The following PHF20 variants were observed in gnomAD, a reference collection of about 807,000 sequenced individuals.
PHF20 encodes PHD finger protein 20.
In PHF20, 23 loss-of-function variants were observed where a neutral mutation model predicts 113.5. The observed-to-expected ratio is 0.20, with a 90% CI of 0.15 to 0.29. The LOEUF (loss-of-function observed/expected upper bound fraction) is 0.29, where lower values mean the gene tolerates loss of function less well. Ranked by LOEUF, PHF20 falls within the 10% of genes least tolerant of loss-of-function variation. The pLI, the probability that PHF20 is intolerant of heterozygous loss-of-function variation, is 1.00. For missense variants in PHF20, 943 were observed against 1,219.6 expected, an observed-to-expected ratio of 0.77 and a Z score of 3.38; for synonymous variants, 434 against 457.3, an observed-to-expected ratio of 0.95 and a Z score of 0.65.
At chr20:35,885,678 C>T (rs1426964641) in intron 9 of PHF20, among the ~76,000 whole-genome samples, 3 of 151,798 alleles carry the variant, frequency 2.0e-5, no homozygotes, top group Admixed American at 2.0e-4. Flanking sequence ...TGCATTCTAT[C>T]AGGAAGCACA....
chr20:35,903,080 T>TTTC (rs1555799700), intron 10 of PHF20, among the ~76,000 whole-genome samples: 4 of 142,176 alleles, frequency 2.8e-5, no homozygotes, highest in African/African-American at 1.1e-4. Context: ...ATCCTTTCTT[T>TTTC]TTTTTTTTTT....
chr20:35,935,918 A>G (rs749576883), intron 15 of PHF20, among the ~76,000 whole-genome samples: 2 of 152,130 alleles, frequency 1.3e-5, no homozygotes, highest in Non-Finnish European at 2.9e-5. Context: ...TGACCTGGTG[A>G]ATTTATTTTC....
At chr20:35,773,149 A>G (rs1178719051) in intron 1 of PHF20, among the ~76,000 whole-genome samples, 1 of 152,120 alleles carries the variant, frequency 6.6e-6, no homozygotes, top group Middle Eastern at 3.2e-3. Flanking sequence ...TGCCCCCCAA[A>G]TGTACGAGGT....
intron 10 of PHF20, among the ~76,000 whole-genome samples, chr20:35,903,428 G>A (rs1220342483): frequency 6.6e-6 from 1 of 152,014 alleles, no homozygotes; most frequent in African/African-American, 2.4e-5. Flanking sequence ...TTTAGCAGCA[G>A]AATGTGCCAC....
intron 2 of PHF20, among the ~76,000 whole-genome samples, chr20:35,805,782 T>C (rs1295352161): frequency 6.6e-6 from 1 of 152,114 alleles, no homozygotes; most frequent in Non-Finnish European, 1.5e-5. Flanking sequence ...ACCTGATCTA[T>C]ATAAATTTAA....
At chr20:35,857,172 C>G (rs1317848472) in intron 4 of PHF20, among the ~76,000 whole-genome samples, 3 of 152,138 alleles carry the variant, frequency 2.0e-5, no homozygotes, top group Non-Finnish European at 4.4e-5. Flanking sequence ...TTTACTGAAT[C>G]TTGACAAGAT....
At chr20:35,930,556 C>A (rs1462282905) in intron 14 of PHF20, among the ~76,000 whole-genome samples, 13 of 151,984 alleles carry the variant, frequency 8.6e-5, no homozygotes, top group Non-Finnish European at 1.3e-4. Context: ...ACCTGTAGTC[C>A]CAGATACTCG....
chr20:35,926,147 C>T (rs2055627870), intron 13 of PHF20, among the ~76,000 whole-genome samples: 1 of 149,126 alleles, frequency 6.7e-6, no homozygotes, highest in African/African-American at 2.5e-5. Context: ...AAAAAGTTAC[C>T]ATTTTGAAAC....
intron 1 of PHF20, among the ~76,000 whole-genome samples, chr20:35,778,475 CA>C (rs1471733582): frequency 1.3e-5 from 2 of 152,088 alleles, no homozygotes; most frequent in African/African-American, 4.8e-5. Flanking sequence ...TTGAGACAGG[CA>C]CTGTGGCTCA....
intron 2 of PHF20, among the ~76,000 whole-genome samples, chr20:35,807,482 T>G (rs2041905416): frequency 6.6e-6 from 1 of 151,426 alleles, no homozygotes; most frequent in African/African-American, 2.4e-5. Flanking sequence ...GACTCCCGAG[T>G]AGCTGGGATT....
Position 35,899,447 on chromosome 20 carries a change from T to C in PHF20, c.1360T>C (p.Cys454Arg). Residue 454 changes from cysteine (C) to arginine (R), a missense_variant, in exon 10 of 18, where the codon TGC becomes CGC. Coordinates refer to ENST00000374012, the MANE Select transcript of PHF20 (RefSeq NM_016436.5). ...PAVDLDHKFR[C>R]KVVDCLKFFR... The stretch of plus-strand genomic sequence containing the variant: ...TGTCGACCTAGACCATAAGTTTAGA[T>C]GCAAAGTTGTGGACTGTTTAAAATT... 1 of 1,614,194 alleles carries C rather than the reference T, an allele frequency of 6.2e-7. No individual in the cohort carries two copies.
chr20:35,903,172 G>A (rs2055137092), intron 10 of PHF20, among the ~76,000 whole-genome samples: 1 of 134,226 alleles, frequency 7.5e-6, no homozygotes, highest in Non-Finnish European at 1.5e-5. Context: ...TATTCTCTCT[G>A]TTAATACTGA....
At chr20:35,906,399 G>T (rs963197682) in intron 10 of PHF20, among the ~76,000 whole-genome samples, 14 of 152,204 alleles carry the variant, frequency 9.2e-5, no homozygotes, top group African/African-American at 3.4e-4. Context: ...ACCCATGGTG[G>T]CTGTGCTCAG....
At chr20:35,824,857 A>G (rs1194412133) in intron 2 of PHF20, among the ~76,000 whole-genome samples, 2 of 152,196 alleles carry the variant, frequency 1.3e-5, no homozygotes, top group Non-Finnish European at 2.9e-5. Context: ...GGAGTCATAC[A>G]GTAGGTGACT....
chr20:35,945,069 G>A (rs1358093058), intron 17 of PHF20, among the ~76,000 whole-genome samples: 2 of 152,124 alleles, frequency 1.3e-5, no homozygotes, highest in Non-Finnish European at 2.9e-5. Context: ...CCAAGTCCTT[G>A]TACTTGCTGG....
At position 35,927,820 on chromosome 20, in the gene PHF20, G is replaced by C; in HGVS notation, c.2045G>C (p.Gly682Ala). The C allele has an allele frequency of 6.2e-7, 1 of 1,614,052 alleles. No homozygotes were observed. The highest frequency in any genetic ancestry group is 8.5e-7 in the Non-Finnish European group (1 of 1,179,904). ...TGCTGGCAGCATGGGGTCTGCATGG[G>C]ATTACTGGAAGAAAATGTGCCCGAG... The part of the protein sequence containing the change: ...CQCWQHGVCM[G>A]LLEENVPEKY... The change falls in exon 14 of 18, where the codon GGA (glycine) becomes GCA (alanine). Residue 682 changes from glycine (G) to alanine (A), a missense_variant. By Grantham distance (60) the Gly-to-Ala change is moderately conservative (BLOSUM62 0). Transcript: ENST00000374012.
At chr20:35,870,737 A>G (rs1427840934) in intron 7 of PHF20, among the ~76,000 whole-genome samples, 3 of 152,140 alleles carry the variant, frequency 2.0e-5, no homozygotes, top group Non-Finnish European at 4.4e-5. Flanking sequence ...TTTTCAGACC[A>G]TGAATCCTTA....
rs1235822048 is a variant in PHF20 at position 35,914,047 on chromosome 20, G to A, written c.1675G>A (p.Glu559Lys). 6.2e-7 allele frequency: 1 copy of A among 1,614,112 alleles called. No individual in the cohort carries two copies. The part of the protein sequence containing the change: ...KKTKPECPCS[E>K]EISDTSQEPS... ...TGTTCTTCCAGAATGCCCCTGCAGT[G>A]AGGAGATCAGTGACACCTCCCAGGA... The change falls in exon 12 of 18, where the codon GAG (glutamate) becomes AAG (lysine). Residue 559 changes from glutamate to lysine, a missense_variant. This residue lies in a region of PHF20 where 592 missense variants were observed against 787.2 expected (regional missense o/e 0.75). Transcript: ENST00000374012.
At chr20:35,864,949 G>A (rs1482617062) in intron 6 of PHF20, among the ~76,000 whole-genome samples, 1 of 152,142 alleles carries the variant, frequency 6.6e-6, no homozygotes, top group African/African-American at 2.4e-5. Context: ...GGTTTGGGAG[G>A]TCCAGGCGGG....
Sources: gnomAD v4.1 joint callset for allele counts (sites outside exome capture counted in the v4.1 genomes callset) on GRCh38, gnomAD v4.1.1 for gene constraint, gnomAD v4.1.1 regional missense constraint, MANE v1.5 for transcripts, NCBI Gene and HGNC (gene_info 2026-07-23, HGNC 2026-07-21) for gene names.